WNT2B: variants seen among roughly 807,000 people sequenced by gnomAD.
The protein encoded by WNT2B is protein Wnt-2b.
A neutral mutation model predicts 40.5 loss-of-function variants in WNT2B; 19 were observed. The ratio of observed to expected loss-of-function variants is 0.47; its 90% CI spans 0.33 to 0.69. The LOEUF is 0.69. Ranked by LOEUF, WNT2B falls within the 30% of genes least tolerant of loss-of-function variation. The pLI, the probability that WNT2B is intolerant of heterozygous loss-of-function variation, is 0.02. For synonymous variants in WNT2B, 220 were observed against 211.9 expected (o/e 1.04, Z -0.33); for missense variants, 467 against 556.4 (o/e 0.84, Z 1.62).
At chr1:112,507,420 C>T (rs1373189207), upstream of WNT2B, among the ~76,000 whole-genome samples, 1 of 152,184 alleles carries the variant, frequency 6.6e-6, no homozygotes, top group African/African-American at 2.4e-5. Context: ...CACCTTACCA[C>T]AGAAAGTGGG....
In WNT2B at chr1:112,514,855, G is replaced by A; in HGVS notation, c.183-19G>A. The stretch of plus-strand genomic sequence containing the variant: ...AAAAAGGTCTGGGATGTTCTGACAG[G>A]GCCATCTCTGCCTTGCAGGTACATT... On this transcript the variant is annotated intron_variant, in intron 1 of 4. Transcript: ENST00000369684. 6.8e-6 allele frequency: 11 copies of A among 1,613,270 alleles called. No homozygotes were observed. The highest frequency in any genetic ancestry group is 7.6e-6 in the Non-Finnish European group (9 of 1,179,234).
chr1:112,520,817 C>T lies in WNT2B; in HGVS notation c.*308C>T, dbSNP rs917803128. ...GCACTAAAGTACGTAGTTGAGGCTCCTTTTTTCTTTCCTTTGCACCAGCTT... is the reference window on the plus strand; with the variant it reads ...GCACTAAAGTACGTAGTTGAGGCTCTTTTTTTCTTTCCTTTGCACCAGCTT... On this transcript the variant is annotated 3_prime_UTR_variant, in exon 5 of 5. Transcript: ENST00000369684. 5 of 357,752 alleles carry T rather than the reference C, an allele frequency of 1.4e-5. No homozygotes were observed. The highest frequency in any genetic ancestry group is 6.4e-5 in the South Asian group (1 of 15,712). 22.2% of individuals were successfully genotyped at this position (357,752 alleles called of 1,614,324 possible).
rs763113071 is a variant in WNT2B, at chr1:112,526,156, TC to T, written c.*5650del. ...ACAAAATGTTCAAGCCCTGTAGGAG[TC>T]CCAGGACAGCCAAGAGAGTATATCT... is the stretch of plus-strand genomic sequence containing the variant. On this transcript the variant is annotated 3_prime_UTR_variant, in exon 5 of 5. Transcript: ENST00000369684. 392 of 1,612,572 alleles carry T rather than the reference TC, an allele frequency of 2.4e-4. 6 individuals are homozygous for T. The South Asian group carries it at 4.1e-3, about 17-fold the overall frequency.
Position 112,517,107 on chromosome 1 carries a change from T to C in WNT2B, c.682-14T>C, listed in dbSNP as rs756688498. Reference sequence around the variant, plus strand: ...CCAGCTACTTCTCCCTTAACTGCCTTCCCCCTCCCCCAGGCTGTGCGGCGG... The same window carrying C: ...CCAGCTACTTCTCCCTTAACTGCCTCCCCCCTCCCCCAGGCTGTGCGGCGG... On this transcript the variant is annotated splice_polypyrimidine_tract_variant and intron_variant, in intron 3 of 4. Coordinates refer to ENST00000369684, the MANE Select transcript of WNT2B (RefSeq NM_024494.3). 47 of 1,604,460 alleles carry C rather than the reference T, an allele frequency of 2.9e-5. No individual in the cohort carries two copies. Among genetic ancestry groups the C allele is most frequent in the Non-Finnish European group, 4.0e-5 (47 of 1,172,782 alleles).
chr1:112,490,492 CTTT>C (rs200730941), intron 1 of WNT2B, among the ~76,000 whole-genome samples: 15 of 142,556 alleles, frequency 1.1e-4, no homozygotes, highest in Non-Finnish European at 1.5e-4. Context: ...AACTCATATT[CTTT>C]TTTTTTTTTT....
rs1277501773 is a variant in WNT2B at position 112,473,434 on chromosome 1, C to T, written c.-95+5843C>T. On this transcript the variant is annotated intron_variant, in intron 1 of 4. Coordinates refer to the WNT2B transcript ENST00000256640. ...AAATCAAACTTCTAGAGATGAAAAT[C>T]CCAGTATCTGAGATTAAAAAAAAAT... is the stretch of plus-strand genomic sequence containing the variant. Among the ~76,000 whole-genome samples the T allele has an allele frequency of 4.0e-5, 6 of 151,830 alleles. No individual in the cohort carries two copies. The South Asian group carries it at 1.2e-3, about 32-fold the overall frequency.
At chr1:112,470,256 C>T (rs1306970273) in intron 1 of WNT2B, among the ~76,000 whole-genome samples, 6 of 152,086 alleles carry the variant, frequency 3.9e-5, no homozygotes, top group Non-Finnish European at 5.9e-5. Flanking sequence ...ATATAATTTT[C>T]TAGGGTAAAA....
rs1452893628 is a variant in WNT2B, at chr1:112,524,019, A to G, written c.*3510A>G. On this transcript the variant is annotated 3_prime_UTR_variant, in exon 5 of 5. Transcript: ENST00000369684. Reference sequence around the variant, plus strand: ...AGATTAAAAAAAAAAACAAAAAACAAAAAACAAAAACAAACATTGCCTGGC... The same window carrying G: ...AGATTAAAAAAAAAAACAAAAAACAGAAAACAAAAACAAACATTGCCTGGC... The G allele has an allele frequency of 6.6e-6, 1 of 152,172 alleles. No homozygotes were observed. Among genetic ancestry groups the G allele is most frequent in the Non-Finnish European group, 1.5e-5 (1 of 68,044 alleles). The allele number at this position is 152,172 out of a possible 1,614,324, so 9.4% of individuals were successfully genotyped here.
chr1:112,485,471 A>T (rs1283852295), intron 1 of WNT2B, among the ~76,000 whole-genome samples: 1 of 152,126 alleles, frequency 6.6e-6, no homozygotes, highest in Non-Finnish European at 1.5e-5. Context: ...AAAAAAAAAA[A>T]AAAAAGGTTA....
rs1010944406 is a variant in WNT2B, at chr1:112,509,547, G to A, written c.182+103G>A. On this transcript the variant is annotated intron_variant, in intron 1 of 4. Transcript: ENST00000369684. This position sits in a 1 kb window ranked among gnomAD's most constrained non-coding sequence, Gnocchi z 4.2. ...ACGGGACCAGGCTGTTGCTTCGACG[G>A]GTTGGAGACGATTCGGGCAGGACTG... The A allele has an allele frequency of 1.5e-6, 2 of 1,305,532 alleles. 1 individual carries two copies. The highest frequency in any genetic ancestry group is 3.2e-5 in the South Asian group (2 of 62,404). The allele number at this position is 1,305,532 out of a possible 1,614,324, so 80.9% of individuals were successfully genotyped here.
chr1:112,502,225 C>T (rs557606644), intron 1 of WNT2B, among the ~76,000 whole-genome samples: 204 of 152,274 alleles, frequency 1.3e-3, no homozygotes, highest in African/African-American at 4.7e-3. Context: ...CCACCGGGCT[C>T]TCCTCTCAGG....
intron 1 of WNT2B, among the ~76,000 whole-genome samples, chr1:112,490,763 A>T (rs1651576398): frequency 6.6e-6 from 1 of 152,126 alleles, no homozygotes. Context: ...TGCTGGGATT[A>T]CAGGCGTGAG....
chr1:112,495,181 G>A (rs1651722951), intron 1 of WNT2B, among the ~76,000 whole-genome samples: 1 of 151,492 alleles, frequency 6.6e-6, no homozygotes, highest in Non-Finnish European at 1.5e-5. Context: ...CATATGAAAT[G>A]TTTATTTAAA....
At chr1:112,503,632 T>C (rs1406389724) in intron 1 of WNT2B, among the ~76,000 whole-genome samples, 1 of 151,472 alleles carries the variant, frequency 6.6e-6, no homozygotes, top group African/African-American at 2.4e-5. Flanking sequence ...CAAACGGTCA[T>C]ACAGATTCAT....
intron 1 of WNT2B, among the ~76,000 whole-genome samples, chr1:112,502,167 G>A (rs1007930074): frequency 6.6e-6 from 1 of 152,218 alleles, no homozygotes; most frequent in African/African-American, 2.4e-5. Flanking sequence ...CAGGTGCTGC[G>A]CCCGCGGGAG....
chr1:112,490,894 C>A, intron 1 of WNT2B: 2 of 984,240 alleles, frequency 2.0e-6, no homozygotes, highest in Non-Finnish European at 3.1e-6. Flanking sequence ...CCGGAAAGAT[C>A]CCCCCTGGAT....
intron 1 of WNT2B, among the ~76,000 whole-genome samples, chr1:112,490,785 G>T (rs1192684021): frequency 6.6e-6 from 1 of 151,970 alleles, no homozygotes. Flanking sequence ...CCCCGCGCCC[G>T]GCCAAAGAAC....
Position 112,469,820 on chromosome 1 carries a change from G to C in WNT2B, c.-95+2229G>C, listed in dbSNP as rs1650818386. 2.0e-5 allele frequency among the ~76,000 whole-genome samples: 3 copies of C among 152,106 alleles called. No individual in the cohort carries two copies. The South Asian group carries it at 6.2e-4, about 32-fold the overall frequency. ...GTAGAGATGGGGTTTCACCGTGTTAGCCAGGCTGGTCTCAAACTCCCAACC... is the reference window on the plus strand; with the variant it reads ...GTAGAGATGGGGTTTCACCGTGTTACCCAGGCTGGTCTCAAACTCCCAACC... On this transcript the variant is annotated intron_variant, in intron 1 of 4. Coordinates refer to the WNT2B transcript ENST00000256640.
chr1:112,476,655 T>G (rs1175649), intron 1 of WNT2B, among the ~76,000 whole-genome samples: 141,867 of 152,260 alleles, frequency 0.93, 66,227 homozygotes, highest in East Asian at 1. Context: ...GGGAGAAAAG[T>G]AGAGCAGGAG....
Sources: allele counts gnomAD v4.1 joint callset (sites outside exome capture counted in the v4.1 genomes callset), GRCh38; gene constraint gnomAD v4.1.1; non-coding constraint Gnocchi (gnomAD v3.1); transcripts MANE v1.5; gene names NCBI Gene and HGNC (gene_info 2026-07-23, HGNC 2026-07-21).